AFF2: variants seen among roughly 807,000 people sequenced by gnomAD.
AFF2 encodes AF4/FMR2 family member 2.
AFF2 carries 14 observed loss-of-function variants against 76.9 expected under a neutral mutation model. That is an observed-to-expected ratio of 0.18 (90% CI 0.12 to 0.28). The LOEUF (loss-of-function observed/expected upper bound fraction) is 0.28, where lower values mean the gene tolerates loss of function less well. Among genes scored for constraint, AFF2 ranks in the 10% least tolerant of loss-of-function variants. The pLI is 1.00. For synonymous variants in AFF2, 398 were observed against 366.7 expected, an observed-to-expected ratio of 1.09 and a Z score of -0.98; for missense variants, 868 against 1,001.1, an observed-to-expected ratio of 0.87 and a Z score of 1.79.
chrX:148,978,589 C>CTT, intron 18 of AFF2, 134 bp downstream of exon 18: 1 of 459,949 alleles, frequency 2.2e-6, no homozygotes, highest in Non-Finnish European at 3.7e-6. Context: ...GGCCGTCCTA[C>CTT]CCTTCCTTAA....
At chrX:148,814,969 A>G (rs1368951440) in intron 4 of AFF2, among the ~76,000 whole-genome samples, 4 of 111,677 alleles carry the variant, frequency 3.6e-5, no homozygotes, top group South Asian at 7.4e-4. Context: ...AATTTAACCA[A>G]TAATTAGGCA....
chrX:148,798,995 A>T lies in AFF2; in HGVS notation c.1042-10881A>T, dbSNP rs781941263. 3.6e-5 allele frequency among the ~76,000 whole-genome samples: 4 copies of T among 111,977 alleles called. No homozygotes were observed. In the East Asian group the frequency reaches 1.1e-3, roughly 31 times the overall value. On this transcript the variant is annotated intron_variant, in intron 3 of 20. Transcript: ENST00000370460. Reference sequence around the variant, plus strand: ...AATTTCAGTGTCTCATAAATGGTGGACAGACAGGACCTTGGGGCCATCTCT... The same window carrying T: ...AATTTCAGTGTCTCATAAATGGTGGTCAGACAGGACCTTGGGGCCATCTCT...
chrX:148,806,718 A>G (rs904466098), intron 3 of AFF2, among the ~76,000 whole-genome samples: 2 of 111,641 alleles, frequency 1.8e-5, no homozygotes, highest in African/African-American at 3.3e-5. Context: ...TACCCTTGTC[A>G]TGACTACCTT....
At chrX:148,863,808 C>T (rs1220865179) in intron 7 of AFF2, among the ~76,000 whole-genome samples, 1 of 111,111 alleles carries the variant, frequency 9.0e-6, no homozygotes, top group Non-Finnish European at 1.9e-5. Flanking sequence ...GCTAGGAATC[C>T]GGGTAGCAGT....
chrX:148,501,033 C>G lies in AFF2; in HGVS notation c.-65C>G, dbSNP rs782150649. On this transcript the variant is annotated 5_prime_UTR_variant, in exon 1 of 21. Transcript: ENST00000370460. Reference sequence around the variant, plus strand: ...GCCGAGAACCGCCAGCGAGCTGTGCCGAGAGCCGCGCCGACCCGCTGCGAT... The same window carrying G: ...GCCGAGAACCGCCAGCGAGCTGTGCGGAGAGCCGCGCCGACCCGCTGCGAT... The G allele has an allele frequency of 4.2e-5, 49 of 1,179,563 alleles. No homozygotes were observed. The highest frequency in any genetic ancestry group is 5.2e-5 in the Non-Finnish European group (46 of 877,852).
chrX:148,620,106 A>C (rs782161894), intron 1 of AFF2, among the ~76,000 whole-genome samples: 1 of 111,323 alleles, frequency 9.0e-6, no homozygotes, highest in African/African-American at 3.3e-5. Flanking sequence ...GTTCAGTCTC[A>C]ACAGAACTGT....
At chrX:148,573,939 C>A (rs2053258082) in intron 1 of AFF2, among the ~76,000 whole-genome samples, 1 of 110,902 alleles carries the variant, frequency 9.0e-6, no homozygotes, top group African/African-American at 3.3e-5. Flanking sequence ...AATTAAAAAT[C>A]TTGGAGCTGG....
intron 9 of AFF2, among the ~76,000 whole-genome samples, chrX:148,925,293 T>G (rs1326134486): frequency 8.8e-6 from 1 of 113,022 alleles, no homozygotes; most frequent in Non-Finnish European, 1.9e-5. Context: ...GAGAAAATTT[T>G]AAAGACCAGA....
intron 3 of AFF2, among the ~76,000 whole-genome samples, chrX:148,711,347 C>A (rs2054965120): frequency 8.9e-6 from 1 of 111,785 alleles, no homozygotes; most frequent in Non-Finnish European, 1.9e-5. Context: ...ATTAGAAAAT[C>A]TACATTATTA....
chrX:148,716,013 CTG>C (rs1429486439), intron 3 of AFF2, among the ~76,000 whole-genome samples: 1 of 109,635 alleles, frequency 9.1e-6, no homozygotes, highest in African/African-American at 3.3e-5. Context: ...CTCTCTCTCT[CTG>C]TGTGTGTGTG....
intron 1 of AFF2, among the ~76,000 whole-genome samples, chrX:148,541,420 G>A (rs1437126544): frequency 8.9e-5 from 10 of 111,832 alleles, no homozygotes; most frequent in Non-Finnish European, 1.9e-4. Context: ...TATGATGGAT[G>A]TGACAAGGGC....
chrX:148,581,017 A>AT lies in AFF2; in HGVS notation c.48-70982_48-70981insT, dbSNP rs1557244368. ...ATACATATATGCACCTCCTACACACAAACATATGTGTATATATACACACAT... is the reference window on the plus strand; with the variant it reads ...ATACATATATGCACCTCCTACACACATAACATATGTGTATATATACACACAT... On this transcript the variant is annotated intron_variant, in intron 1 of 20. Transcript: ENST00000370460. Among the ~76,000 whole-genome samples, 241 of 73,472 alleles carry AT rather than the reference A, an allele frequency of 3.3e-3. 6 individuals are homozygous for AT. Among genetic ancestry groups the AT allele is most frequent in the African/African-American group, 0.011 (231 of 21,756 alleles). 63.8% of individuals were successfully genotyped at this position (73,472 alleles called of 115,157 possible).
intron 3 of AFF2, among the ~76,000 whole-genome samples, chrX:148,734,376 A>G (rs1208938306): frequency 8.9e-6 from 1 of 111,755 alleles, no homozygotes; most frequent in Middle Eastern, 4.6e-3. Flanking sequence ...ACCTCCCAAC[A>G]ATACTATGAA....
intron 3 of AFF2, among the ~76,000 whole-genome samples, chrX:148,775,150 C>A (rs148321401): frequency 1.8e-5 from 2 of 111,725 alleles, no homozygotes; most frequent in African/African-American, 6.5e-5. Context: ...GATTAGGTGG[C>A]CAGCAAAGAG....
In AFF2 at chrX:148,584,550, T is replaced by C. The variant is rs782753937; in HGVS notation, c.48-67449T>C. 4.3e-5 allele frequency among the ~76,000 whole-genome samples: 4 copies of C among 92,856 alleles called. No homozygotes were observed. In the South Asian group the frequency reaches 2.5e-3, roughly 58 times the overall value. The allele number at this position is 92,856 out of a possible 115,157, so 80.6% of individuals were successfully genotyped here. On this transcript the variant is annotated intron_variant, in intron 1 of 20. Transcript: ENST00000370460. ...GTAGTTATTTGCCCCTGGAGTTAAA[T>C]GAAATGATTTTTTTTTTTTTTTTGA...
chrX:148,965,394 A>G (rs1480706703), intron 13 of AFF2, among the ~76,000 whole-genome samples: 6 of 112,151 alleles, frequency 5.3e-5, no homozygotes, highest in Non-Finnish European at 1.1e-4. Flanking sequence ...ATTTTTCAAA[A>G]TGAAGTAATT....
At chrX:148,685,310 T>C (rs1361788772) in intron 3 of AFF2, among the ~76,000 whole-genome samples, 1 of 112,027 alleles carries the variant, frequency 8.9e-6, no homozygotes, top group Non-Finnish European at 1.9e-5. Context: ...ACTTTCCACA[T>C]TGGTTAATTT....
At chrX:148,530,895 G>A (rs982842020) in intron 1 of AFF2, among the ~76,000 whole-genome samples, 3 of 111,782 alleles carry the variant, frequency 2.7e-5, no homozygotes, top group African/African-American at 9.8e-5. Flanking sequence ...TTTAGCACAT[G>A]TTTGGGTGGC....
intron 3 of AFF2, among the ~76,000 whole-genome samples, chrX:148,719,800 T>G (rs1557263631): frequency 9.0e-6 from 1 of 111,571 alleles, no homozygotes; most frequent in Non-Finnish European, 1.9e-5. Flanking sequence ...ATTTGTTGCT[T>G]TCTAACCAGC....
Sources: gnomAD v4.1 joint callset for allele counts (sites outside exome capture counted in the v4.1 genomes callset) on GRCh38, gnomAD v4.1.1 for gene constraint, MANE v1.5 for transcripts, NCBI Gene and HGNC (gene_info 2026-07-23, HGNC 2026-07-21) for gene names.